VPS13C: variants seen among roughly 807,000 people sequenced by gnomAD.
VPS13C encodes the protein vacuolar protein sorting 13 homolog C, also known as intermembrane lipid transfer protein VPS13C.
In VPS13C, 358 loss-of-function variants were observed where a neutral mutation model predicts 456.8. The ratio of observed to expected loss-of-function variants is 0.78; its 90% CI spans 0.72 to 0.86. VPS13C has a LOEUF of 0.86. VPS13C is among the 40% of genes least tolerant of loss of function. VPS13C has a pLI of 0.00. For missense variants in VPS13C, 4,818 were observed against 4,385.4 expected (o/e 1.10, Z -2.79); for synonymous variants, 1,578 against 1,486.7 (o/e 1.06, Z -1.41).
chr15:61,882,879 T>C (rs1162982336), intron 68 of VPS13C, 143 bp from the exon 69 acceptor site: 2 of 791,966 alleles, frequency 2.5e-6, no homozygotes, highest in African/African-American at 3.6e-5. Context: ...GATCTACAGT[T>C]GAGATCTCTG....
At chr15:61,890,483 G>T in intron 66 of VPS13C, 83 bp from the exon 67 acceptor site, 1 of 1,271,886 alleles carries the variant, frequency 7.9e-7, no homozygotes, top group Non-Finnish European at 1.1e-6. Context: ...AGAAAGATTA[G>T]AAAAGTTTAA....
rs2046559542 is a variant in VPS13C at position 62,000,204 on chromosome 15, C to G, written c.1353+360G>C. On this transcript the variant is annotated intron_variant, in intron 16 of 84. Coordinates refer to ENST00000644861, the MANE Select transcript of VPS13C (RefSeq NM_020821.3). ...TGGCAACAACCCATCTCTACTAAAA[C>G]TACAAAAAAAAATTAGCCGGGCGTG... is the stretch of plus-strand genomic sequence containing the variant. Among the ~76,000 whole-genome samples the G allele has an allele frequency of 2.0e-5, 3 of 151,820 alleles. No homozygotes were observed. The South Asian group carries it at 6.2e-4, about 31-fold the overall frequency.
chr15:61,905,560 G>T (rs937590918), intron 66 of VPS13C, among the ~76,000 whole-genome samples: 3 of 152,034 alleles, frequency 2.0e-5, no homozygotes, highest in Admixed American at 2.0e-4. Context: ...CCAACTAGCA[G>T]TTCAAAATTC....
At chr15:61,918,034 G>C (rs1295073366) in intron 59 of VPS13C, 102 bp downstream of exon 59, 1 of 1,200,984 alleles carries the variant, frequency 8.3e-7, no homozygotes, top group Non-Finnish European at 1.2e-6. Context: ...CTTAAAACTG[G>C]CTTTTACTGA....
At chr15:61,895,632 C>T (rs1455812381) in intron 66 of VPS13C, among the ~76,000 whole-genome samples, 2 of 152,020 alleles carry the variant, frequency 1.3e-5, no homozygotes, top group Non-Finnish European at 2.9e-5. Flanking sequence ...AAACAGTCTG[C>T]TAATAACGAA....
chr15:61,854,276 G>A lies in VPS13C; in HGVS notation c.*181C>T. 1 of 629,376 alleles carries A rather than the reference G, an allele frequency of 1.6e-6. No individual in the cohort carries two copies. The highest frequency in any genetic ancestry group is 2.7e-5 in the East Asian group (1 of 36,596). The allele number at this position is 629,376 out of a possible 1,614,324, so 39.0% of individuals were successfully genotyped here. On this transcript the variant is annotated 3_prime_UTR_variant, in exon 85 of 85. Coordinates refer to ENST00000644861, the MANE Select transcript of VPS13C (RefSeq NM_020821.3). Reference sequence around the variant, plus strand: ...GAAGTGGACTGCTAGCATATACATGGTTACAAAATTAGAGTAAAAACTAAA... The same window carrying A: ...GAAGTGGACTGCTAGCATATACATGATTACAAAATTAGAGTAAAAACTAAA...
At chr15:61,890,794 C>T (rs2042626652) in intron 66 of VPS13C, among the ~76,000 whole-genome samples, 1 of 152,110 alleles carries the variant, frequency 6.6e-6, no homozygotes, top group African/African-American at 2.4e-5. Flanking sequence ...CGCCTATAAT[C>T]CCAGCACTTT....
chr15:62,042,068 T>C (rs1176219325), intron 2 of VPS13C, among the ~76,000 whole-genome samples: 2 of 152,156 alleles, frequency 1.3e-5, no homozygotes, highest in African/African-American at 4.8e-5. Context: ...AAAACATTAC[T>C]GAACAACAGT....
At chr15:61,945,654 A>C in intron 45 of VPS13C, 61 bp downstream of exon 45, 1 of 1,359,808 alleles carries the variant, frequency 7.4e-7, no homozygotes, top group Non-Finnish European at 9.9e-7. Context: ...ATCTAGGTTC[A>C]GTTGTATAAG....
intron 2 of VPS13C, among the ~76,000 whole-genome samples, chr15:62,043,252 T>A (rs987374361): frequency 2.0e-5 from 3 of 152,218 alleles, no homozygotes; most frequent in African/African-American, 7.2e-5. Flanking sequence ...AGATATTATA[T>A]TGTTTTATAA....
rs201719969 is a variant in VPS13C at position 61,862,185 on chromosome 15, G to A, written c.10952+1255C>T. 2.3e-4 allele frequency among the ~76,000 whole-genome samples: 35 copies of A among 150,892 alleles called. No individual in the cohort carries two copies. The East Asian group carries it at 4.1e-3, about 18-fold the overall frequency. On this transcript the variant is annotated intron_variant, in intron 82 of 84. Coordinates refer to ENST00000644861, the MANE Select transcript of VPS13C (RefSeq NM_020821.3). ...AGGAAAAGGAAAAGGAAAGGAAAGG[G>A]AAAAGGAAAGGAAAGGAGAAAAGAA...
chr15:61,897,550 G>GA (rs2042864984), intron 66 of VPS13C, among the ~76,000 whole-genome samples: 2 of 152,142 alleles, frequency 1.3e-5, no homozygotes, highest in Middle Eastern at 3.4e-3. Context: ...GAAGTTTAGA[G>GA]AAAAAAGAGT....
intron 5 of VPS13C, among the ~76,000 whole-genome samples, chr15:62,028,893 C>T (rs2047724323): frequency 2.0e-5 from 3 of 152,136 alleles, no homozygotes; most frequent in African/African-American, 7.2e-5. Flanking sequence ...TCCTTTATAG[C>T]CATTCTCATT....
At chr15:61,917,225 A>G in intron 60 of VPS13C, 116 bp downstream of exon 60, 1 of 1,074,858 alleles carries the variant, frequency 9.3e-7, no homozygotes, top group Non-Finnish European at 1.3e-6. Context: ...TTATGAAGGC[A>G]TTACACATTA....
At chr15:61,874,220 T>C (rs1474819916) in intron 77 of VPS13C, among the ~76,000 whole-genome samples, 1 of 151,962 alleles carries the variant, frequency 6.6e-6, no homozygotes, top group Non-Finnish European at 1.5e-5. Flanking sequence ...GGTTAATGGA[T>C]ACAACATCAC....
intron 66 of VPS13C, among the ~76,000 whole-genome samples, chr15:61,904,984 G>C (rs748240231): frequency 1.3e-5 from 2 of 152,028 alleles, no homozygotes; most frequent in South Asian, 4.1e-4. Flanking sequence ...GGATGAGAAG[G>C]GGATTGGAGG....
At chr15:61,869,381 C>T (rs1894844467) in intron 80 of VPS13C, 119 bp downstream of exon 80, 2 of 1,150,290 alleles carry the variant, frequency 1.7e-6, no homozygotes, top group South Asian at 1.9e-5. Context: ...AAAGCTACCA[C>T]AGCTTTCAAT....
rs1158442963 is a variant in VPS13C at position 61,858,503 on chromosome 15, A to G, written c.10953-2094T>C. 6.6e-6 allele frequency among the ~76,000 whole-genome samples: 1 copy of G among 152,130 alleles called. No homozygotes were observed. Among genetic ancestry groups the G allele is most frequent in the Non-Finnish European group, 1.5e-5 (1 of 68,028 alleles). On this transcript the variant is annotated intron_variant, in intron 82 of 84. Coordinates refer to ENST00000644861, the MANE Select transcript of VPS13C (RefSeq NM_020821.3). The surrounding 1 kb of genome is among the most constrained non-coding windows in gnomAD (Gnocchi z 4.4). ...TACCATGATAGCTGCCACAGTCTCT[A>G]TGGTAGACAGAATTCTAAGACAAGT...
intron 9 of VPS13C, among the ~76,000 whole-genome samples, chr15:62,014,256 A>G (rs11629528): frequency 0.57 from 86,975 of 151,638 alleles, 25,150 homozygotes; most frequent in Admixed American, 0.64. Flanking sequence ...GGAAAGAATC[A>G]GGTATGAATG....
Sources: gnomAD v4.1 joint callset for allele counts (sites outside exome capture counted in the v4.1 genomes callset) on GRCh38, gnomAD v4.1.1 for gene constraint, Gnocchi (gnomAD v3.1) non-coding constraint, MANE v1.5 for transcripts, NCBI Gene and HGNC (gene_info 2026-07-23, HGNC 2026-07-21) for gene names.